The following C1QTNF3 variants were observed in gnomAD, a reference collection of about 807,000 sequenced individuals.
The protein encoded by C1QTNF3 is complement C1q tumor necrosis factor-related protein 3.
In C1QTNF3, 26 loss-of-function variants were observed where a neutral mutation model predicts 32.6. The ratio of observed to expected loss-of-function variants is 0.80; its 90% CI spans 0.58 to 1.11. The LOEUF is 1.11. Ranked by LOEUF, C1QTNF3 falls within the 50% of genes least tolerant of loss-of-function variation. The pLI, the probability that C1QTNF3 is intolerant of heterozygous loss-of-function variation, is 0.00. For synonymous variants in C1QTNF3, 155 were observed against 146.0 expected (o/e 1.06, Z -0.44); for missense variants, 362 against 398.2 (o/e 0.91, Z 0.77).
the C1QTNF3 span, among the ~76,000 whole-genome samples, chr5:34,048,483 A>G: frequency 6.6e-6 from 1 of 152,142 alleles, no homozygotes; most frequent in Non-Finnish European, 1.5e-5. Flanking sequence ...GAGGGAACCA[A>G]GGGGAGAGGC....
At chr5:34,117,694 G>A in the C1QTNF3 span, among the ~76,000 whole-genome samples, 2 of 151,886 alleles carry the variant, frequency 1.3e-5, no homozygotes, top group African/African-American at 4.8e-5. Flanking sequence ...TACTCAGGAG[G>A]CTAAGGCAGG....
the C1QTNF3 span, among the ~76,000 whole-genome samples, chr5:34,176,851 T>A: frequency 7.6e-5 from 8 of 105,294 alleles, no homozygotes; most frequent in Non-Finnish European, 1.1e-4. Flanking sequence ...AACAAGACCC[T>A]ATCTCATGAA....
the C1QTNF3 span, among the ~76,000 whole-genome samples, chr5:34,142,346 C>T: frequency 1.3e-5 from 2 of 151,514 alleles, no homozygotes; most frequent in East Asian, 1.9e-4. Flanking sequence ...GCAGGAGAAA[C>T]GCTTGAACCT....
At chr5:34,136,548 G>T in the C1QTNF3 span, among the ~76,000 whole-genome samples, 1,898 of 152,308 alleles carry the variant, frequency 0.012, 21 homozygotes, top group African/African-American at 0.044. Context: ...TTACACTGTT[G>T]GTGGGAGTGT....
At chr5:34,052,655 A>G in the C1QTNF3 span, among the ~76,000 whole-genome samples, 6 of 152,200 alleles carry the variant, frequency 3.9e-5, no homozygotes, top group African/African-American at 1.2e-4. Context: ...GTGAAGATTA[A>G]AAGAGACATT....
chr5:34,072,852 A>G, the C1QTNF3 span, among the ~76,000 whole-genome samples: 1 of 152,222 alleles, frequency 6.6e-6, no homozygotes, highest in Admixed American at 6.5e-5. Flanking sequence ...AGTTATGAAT[A>G]TTCATTATAA....
chr5:34,160,670 C>G, the C1QTNF3 span, among the ~76,000 whole-genome samples: 1 of 152,092 alleles, frequency 6.6e-6, no homozygotes, highest in Non-Finnish European at 1.5e-5. Flanking sequence ...TTTATATTAT[C>G]CAATTTACAG....
chr5:34,238,346 C>A, the C1QTNF3 span, among the ~76,000 whole-genome samples: 3 of 152,094 alleles, frequency 2.0e-5, no homozygotes, highest in African/African-American at 7.2e-5. Context: ...AGCTCATGAA[C>A]ATTAAGGAGA....
the C1QTNF3 span, among the ~76,000 whole-genome samples, chr5:34,176,397 GTAT>G: frequency 5.1e-5 from 7 of 138,026 alleles, no homozygotes; most frequent in Non-Finnish European, 1.1e-4. Context: ...AAAACTTAAC[GTAT>G]AATAATAAAA....
the C1QTNF3 span, among the ~76,000 whole-genome samples, chr5:34,160,567 C>A: frequency 1.3e-5 from 2 of 152,088 alleles, no homozygotes; most frequent in African/African-American, 4.8e-5. Flanking sequence ...CGCAGTGTGG[C>A]GTAGCAGTTA....
the C1QTNF3 span, among the ~76,000 whole-genome samples, chr5:34,226,634 C>T: frequency 1.3e-5 from 2 of 151,524 alleles, no homozygotes; most frequent in South Asian, 2.1e-4. Context: ...GGTTTAGGGG[C>T]ATCAAACCTC....
chr5:34,216,231 T>C, the C1QTNF3 span, among the ~76,000 whole-genome samples: 2 of 152,212 alleles, frequency 1.3e-5, no homozygotes, highest in African/African-American at 4.8e-5. Context: ...ATTAGGAATA[T>C]ATCTTTCTTG....
chr5:34,066,443 T>G, the C1QTNF3 span, among the ~76,000 whole-genome samples: 4 of 152,242 alleles, frequency 2.6e-5, no homozygotes, highest in African/African-American at 9.6e-5. Flanking sequence ...TTGTTATAGA[T>G]TATAAAAGAC....
At chr5:34,144,814 C>G in the C1QTNF3 span, among the ~76,000 whole-genome samples, 1 of 152,112 alleles carries the variant, frequency 6.6e-6, no homozygotes, top group South Asian at 2.1e-4. Flanking sequence ...GCCTAAACAC[C>G]TTCATCAAGA....
the C1QTNF3 span, among the ~76,000 whole-genome samples, chr5:34,070,981 T>C: frequency 5.3e-5 from 8 of 152,190 alleles, no homozygotes; most frequent in Non-Finnish European, 1.0e-4. Flanking sequence ...GCATTAGCTA[T>C]CGTAAATACA....
chr5:34,033,337 C>T lies in C1QTNF3; in HGVS notation c.537G>A (p.Glu179=). ...CTGGTGGAATCCCCGGGTAGCCCTT[C>T]TCTCCTTTGGGGCCATGCTGCCCCC... ...GERGQHGPKG[E]KGYPGIPPEL... is the part of the protein sequence containing the mutation. Residue 179 remains glutamate, a synonymous_variant, in exon 3 of 6, where the codon GAG becomes GAA. Transcript: ENST00000382065. 6.2e-7 allele frequency: 1 copy of T among 1,613,852 alleles called. No individual in the cohort carries two copies. Among genetic ancestry groups the T allele is most frequent in the African/African-American group, 1.3e-5 (1 of 74,998 alleles).
At chr5:34,038,893 CA>C (rs1420047558) in intron 1 of C1QTNF3, among the ~76,000 whole-genome samples, 1 of 152,092 alleles carries the variant, frequency 6.6e-6, no homozygotes, top group Non-Finnish European at 1.5e-5. Context: ...AGGTGATGAT[CA>C]AGTGGCTTTT....
At chr5:34,111,174 G>T in the C1QTNF3 span, among the ~76,000 whole-genome samples, 3 of 152,092 alleles carry the variant, frequency 2.0e-5, no homozygotes, top group Non-Finnish European at 4.4e-5. Flanking sequence ...ATGATCTATA[G>T]ATTCACTTGT....
the C1QTNF3 span, among the ~76,000 whole-genome samples, chr5:34,178,236 G>A: frequency 6.6e-6 from 1 of 151,852 alleles, no homozygotes; most frequent in African/African-American, 2.4e-5. Context: ...AGTCAAGATT[G>A]CACCACTACA....
Sources: allele counts gnomAD v4.1 joint callset (sites outside exome capture counted in the v4.1 genomes callset), GRCh38; gene constraint gnomAD v4.1.1; transcripts MANE v1.5; gene names NCBI Gene and HGNC (gene_info 2026-07-23, HGNC 2026-07-21).